The following AEN variants were observed in gnomAD, a reference collection of about 807,000 sequenced individuals.
AEN encodes apoptosis enhancing nuclease.
Under a neutral mutation model 17.7 loss-of-function variants are expected in AEN, and 21 were observed. The observed-to-expected ratio is 1.19, with a 90% CI of 0.84 to 1.71. AEN has a LOEUF of 1.71. Ranked by LOEUF, AEN falls within the 40% of genes most tolerant of loss-of-function variation. AEN has a pLI of 0.00. For missense variants in AEN, 462 were observed against 435.9 expected (o/e 1.06, Z -0.53); for synonymous variants, 190 against 173.0 (o/e 1.10, Z -0.77).
At chr15:88,618,677 T>C (rs1012708510), upstream of AEN, among the ~76,000 whole-genome samples, 1 of 152,250 alleles carries the variant, frequency 6.6e-6, no homozygotes, top group Non-Finnish European at 1.5e-5. Context: ...GATTTTATAG[T>C]TGTAAGCCTG....
the AEN span, chr15:88,607,992 A>G: frequency 2.4e-6 from 1 of 423,710 alleles, no homozygotes; most frequent in East Asian, 5.8e-5. Context: ...CATTGATCAC[A>G]TCAGTAATGT....
intron 2 of AEN, chr15:88,628,083 T>G (rs1438511346): frequency 6.6e-6 from 1 of 152,106 alleles, no homozygotes; most frequent in African/African-American, 2.4e-5. Flanking sequence ...GGGAGGTGTG[T>G]GGTGAACCCT....
chr15:88,610,136 A>G, the AEN span, among the ~76,000 whole-genome samples: 1 of 152,128 alleles, frequency 6.6e-6, no homozygotes, highest in Non-Finnish European at 1.5e-5. Context: ...CAGGTCCCTA[A>G]GAAAGGCCTG....
chr15:88,619,825 G>C (rs1434105595), upstream of AEN, among the ~76,000 whole-genome samples: 1 of 152,066 alleles, frequency 6.6e-6, no homozygotes, highest in Non-Finnish European at 1.5e-5. Flanking sequence ...AGTAGCATTT[G>C]AATCTGTCAT....
upstream of AEN, among the ~76,000 whole-genome samples, chr15:88,616,910 T>C (rs906697142): frequency 1.1e-4 from 16 of 152,210 alleles, no homozygotes; most frequent in Non-Finnish European, 2.1e-4. Flanking sequence ...TATAGACGTT[T>C]GGTAGGTTAG....
At chr15:88,619,636 C>T (rs2057765431), upstream of AEN, among the ~76,000 whole-genome samples, 1 of 152,062 alleles carries the variant, frequency 6.6e-6, no homozygotes, top group African/African-American at 2.4e-5. Flanking sequence ...TGCAGTGAGC[C>T]GAGATTGTGC....
chr15:88,613,572 T>A, the AEN span, among the ~76,000 whole-genome samples: 2 of 130,966 alleles, frequency 1.5e-5, no homozygotes, highest in Non-Finnish European at 3.2e-5. Flanking sequence ...TGTGTCTCAG[T>A]GAAACAAGCA....
chr15:88,611,743 C>T, the AEN span: 10 of 352,642 alleles, frequency 2.8e-5, no homozygotes, highest in East Asian at 2.1e-4. Flanking sequence ...GCGGAGACAA[C>T]GCCTCGCCTG....
chr15:88,605,269 C>T, the AEN span, among the ~76,000 whole-genome samples: 1 of 152,202 alleles, frequency 6.6e-6, no homozygotes, highest in Admixed American at 6.5e-5. This position sits in a 1 kb window ranked among gnomAD's most constrained non-coding sequence, Gnocchi z 7.6. Context: ...CTCGGTCCCG[C>T]GCCCAGTAGG....
intron 2 of AEN, 105 bp from the exon 3 acceptor site, chr15:88,629,121 C>G (rs3826040): frequency 1.7e-6 from 2 of 1,153,542 alleles, no homozygotes; most frequent in African/African-American, 3.1e-5. Context: ...GCTGCCTCCC[C>G]CCACAGGGAT....
At chr15:88,616,968 G>C (rs1408873744), upstream of AEN, among the ~76,000 whole-genome samples, 2 of 152,172 alleles carry the variant, frequency 1.3e-5, no homozygotes, top group Admixed American at 6.5e-5. Flanking sequence ...GGTTTATCCG[G>C]ACATGGCCTC....
chr15:88,630,460 C>T lies in AEN; in HGVS notation c.*166C>T. The T allele has an allele frequency of 1.6e-6, 1 of 629,882 alleles. No homozygotes were observed. Among genetic ancestry groups the T allele is most frequent in the Non-Finnish European group, 2.8e-6 (1 of 356,764 alleles). 39.0% of individuals were successfully genotyped at this position (629,882 alleles called of 1,614,324 possible). ...CTGTTACCTTGACACCCTCTGCACACAGCATAGCCCTCTCTCTCTCCAGGG... is the reference window on the plus strand; with the variant it reads ...CTGTTACCTTGACACCCTCTGCACATAGCATAGCCCTCTCTCTCTCCAGGG... On this transcript the variant is annotated 3_prime_UTR_variant, in exon 4 of 4. Transcript: ENST00000332810. This position sits in a 1 kb window ranked among gnomAD's most constrained non-coding sequence, Gnocchi z 5.1.
At chr15:88,613,589 G>C in the AEN span, among the ~76,000 whole-genome samples, 24 of 151,902 alleles carry the variant, frequency 1.6e-4, no homozygotes, top group East Asian at 9.7e-4. Context: ...AGCATCTCGG[G>C]GGGGGATGTG....
the AEN span, among the ~76,000 whole-genome samples, chr15:88,613,330 A>G: frequency 1.3e-5 from 2 of 151,674 alleles, no homozygotes; most frequent in South Asian, 2.1e-4. Flanking sequence ...ATTTCCCTTT[A>G]CTCCTAACCC....
rs1181139540 is a variant in AEN at position 88,621,370 on chromosome 15, C to G, written c.-77C>G. On this transcript the variant is annotated 5_prime_UTR_variant, in exon 1 of 4. Coordinates refer to ENST00000332810, the MANE Select transcript of AEN (RefSeq NM_022767.4). ...CGCCACGTGCAGACCGGAAGAGACA[C>G]GCGGGGCTTCAGGTGAGATCCAGGA... 3 of 152,270 alleles carry G rather than the reference C, an allele frequency of 2.0e-5. No individual in the cohort carries two copies. Among genetic ancestry groups the G allele is most frequent in the African/African-American group, 7.2e-5 (3 of 41,468 alleles). 9.4% of individuals were successfully genotyped at this position (152,270 alleles called of 1,614,324 possible). A position where few individuals can be genotyped will look rare whatever the true frequency, so the allele number is the denominator to read the frequency against.
rs564767884 is a variant in AEN at position 88,626,654 on chromosome 15, C to G, written c.445C>G (p.Pro149Ala). ...GNVLYDKYIR[P>A]EMPIADYRTR... ...TGTCCTCTATGACAAGTACATCAGG[C>G]CTGAGATGCCCATCGCTGACTACCG... The change falls in exon 2 of 4, where the codon CCT becomes GCT. Residue 149 changes from proline (P) to alanine (A), a missense_variant. Coordinates refer to ENST00000332810, the MANE Select transcript of AEN (RefSeq NM_022767.4). 5 of 1,613,822 alleles carry G rather than the reference C, an allele frequency of 3.1e-6. No individual in the cohort carries two copies. The South Asian group carries it at 4.4e-5, about 14-fold the overall frequency.
At chr15:88,613,174 T>C in the AEN span, among the ~76,000 whole-genome samples, 1 of 152,150 alleles carries the variant, frequency 6.6e-6, no homozygotes, top group African/African-American at 2.4e-5. Context: ...CCTCTTCCGG[T>C]TGCTAGCTGT....
chr15:88,606,001 G>T, the AEN span, among the ~76,000 whole-genome samples: 1 of 152,238 alleles, frequency 6.6e-6, no homozygotes, highest in Non-Finnish European at 1.5e-5. Context: ...AGGGATTTAG[G>T]TGTGGGATTC....
At chr15:88,611,758 A>G in the AEN span, 3 of 385,134 alleles carry the variant, frequency 7.8e-6, no homozygotes, top group Non-Finnish European at 1.6e-5. Flanking sequence ...CGCCTGAAGG[A>G]GCATCCAGAC....
Sources: gnomAD v4.1 joint callset for allele counts (sites outside exome capture counted in the v4.1 genomes callset) on GRCh38, gnomAD v4.1.1 for gene constraint, Gnocchi (gnomAD v3.1) non-coding constraint, MANE v1.5 for transcripts, NCBI Gene and HGNC (gene_info 2026-07-23, HGNC 2026-07-21) for gene names.